The following CBFB variants were observed in gnomAD, a reference collection of about 807,000 sequenced individuals.
CBFB encodes the protein core-binding factor subunit beta.
In CBFB, 9 loss-of-function variants were observed where a neutral mutation model predicts 30.4. The ratio of observed to expected loss-of-function variants is 0.30; its 90% CI spans 0.18 to 0.52. The LOEUF (loss-of-function observed/expected upper bound fraction) is 0.52. CBFB is among the 20% of genes least tolerant of loss of function. The pLI, the probability that CBFB is intolerant of heterozygous loss-of-function variation, is 0.97. For synonymous variants in CBFB, 94 were observed against 84.0 expected (o/e 1.12, Z -0.65); for missense variants, 170 against 244.0 (o/e 0.70, Z 2.02).
intron 3 of CBFB, among the ~76,000 whole-genome samples, chr16:67,042,970 A>C (rs1024515964): frequency 2.0e-5 from 3 of 152,148 alleles, no homozygotes; most frequent in African/African-American, 7.2e-5. Context: ...TCCTAACATC[A>C]GGTGATCTGC....
chr16:67,044,589 A>ATTAT (rs1320761047), intron 3 of CBFB, among the ~76,000 whole-genome samples: 2 of 152,228 alleles, frequency 1.3e-5, no homozygotes, highest in Non-Finnish European at 2.9e-5. Context: ...CATAAAATAA[A>ATTAT]GCAAAATCTA....
intron 3 of CBFB, among the ~76,000 whole-genome samples, chr16:67,058,850 T>C (rs769881295): frequency 6.6e-6 from 1 of 152,234 alleles, no homozygotes; most frequent in Non-Finnish European, 1.5e-5. Flanking sequence ...AATCGAGATA[T>C]CCTTTCCAAT....
intron 5 of CBFB, among the ~76,000 whole-genome samples, chr16:67,086,997 A>G (rs1463938849): frequency 6.6e-6 from 1 of 152,064 alleles, no homozygotes; most frequent in African/African-American, 2.4e-5. Context: ...TTCAAGTTGG[A>G]GAAAGCATTC....
chr16:67,053,177 T>A (rs1960608986), intron 3 of CBFB, among the ~76,000 whole-genome samples: 3 of 151,442 alleles, frequency 2.0e-5, no homozygotes, highest in Admixed American at 6.6e-5. Flanking sequence ...GTTTAGTTTT[T>A]AAAAAAAATG....
chr16:67,033,232 C>T (rs1317076194), intron 2 of CBFB, among the ~76,000 whole-genome samples: 3 of 152,238 alleles, frequency 2.0e-5, no homozygotes, highest in Admixed American at 1.3e-4. Flanking sequence ...CTCTCTTTAA[C>T]TATAAAACTC....
At chr16:67,070,577 C>A (rs1961191404) in intron 4 of CBFB, among the ~76,000 whole-genome samples, 1 of 151,910 alleles carries the variant, frequency 6.6e-6, no homozygotes, top group South Asian at 2.1e-4. Context: ...TGACAGGGTG[C>A]AGTGGCTCAC....
intron 4 of CBFB, among the ~76,000 whole-genome samples, chr16:67,071,834 G>A (rs1000880010): frequency 1.3e-5 from 2 of 152,040 alleles, no homozygotes; most frequent in Non-Finnish European, 2.9e-5. Flanking sequence ...TATACTTAGG[G>A]TTTCCACTCT....
At chr16:67,080,977 CT>C (rs1310131587) in intron 4 of CBFB, among the ~76,000 whole-genome samples, 2 of 151,834 alleles carry the variant, frequency 1.3e-5, no homozygotes, top group African/African-American at 2.4e-5. Flanking sequence ...GTACCTCTGA[CT>C]TTTTTTTATA....
At chr16:67,033,681 G>A (rs1489062158) in intron 2 of CBFB, among the ~76,000 whole-genome samples, 2 of 149,214 alleles carry the variant, frequency 1.3e-5, no homozygotes, top group East Asian at 2.0e-4. Flanking sequence ...GCACGATCTC[G>A]GCTCACTGCA....
chr16:67,055,296 A>G (rs889612710), intron 3 of CBFB, among the ~76,000 whole-genome samples: 3 of 143,452 alleles, frequency 2.1e-5, no homozygotes, highest in African/African-American at 7.8e-5. Flanking sequence ...TTGAATATGT[A>G]TTTATATGTG....
chr16:67,072,064 T>C (rs577519428), intron 4 of CBFB, among the ~76,000 whole-genome samples: 1 of 152,294 alleles, frequency 6.6e-6, no homozygotes, highest in South Asian at 2.1e-4. Flanking sequence ...TTAAAGTTCA[T>C]GGTTAATGTT....
chr16:67,033,931 C>T (rs190289856), intron 2 of CBFB, among the ~76,000 whole-genome samples: 38 of 150,834 alleles, frequency 2.5e-4, no homozygotes, highest in South Asian at 6.3e-4. Flanking sequence ...TGGGTTCACA[C>T]GATTCTCCTG....
chr16:67,071,430 T>C (rs1961219420), intron 4 of CBFB, among the ~76,000 whole-genome samples: 1 of 152,132 alleles, frequency 6.6e-6, no homozygotes, highest in African/African-American at 2.4e-5. Context: ...TCTGTCTCTC[T>C]CTCTGCCGTA....
chr16:67,056,506 C>T (rs1960727652), intron 3 of CBFB, among the ~76,000 whole-genome samples: 1 of 152,094 alleles, frequency 6.6e-6, no homozygotes. Flanking sequence ...ATAACAATGG[C>T]AAGTCGTGTG....
At chr16:67,066,613 TA>T (rs1443494256) in intron 3 of CBFB, 68 bp from the exon 4 acceptor site, 2 of 803,464 alleles carry the variant, frequency 2.5e-6, no homozygotes, top group African/African-American at 3.4e-5. Context: ...TTTATATAAG[TA>T]AGTTTAATCT....
At chr16:67,059,625 G>A (rs1043341673) in intron 3 of CBFB, among the ~76,000 whole-genome samples, 12 of 152,196 alleles carry the variant, frequency 7.9e-5, no homozygotes, top group Admixed American at 3.9e-4. Context: ...AATGGGGCCT[G>A]TAACAACCTT....
In CBFB at chr16:67,066,801, A is replaced by AG. The variant is rs1567615795; in HGVS notation, c.399+6dup. 2 of 1,546,972 alleles carry AG rather than the reference A, an allele frequency of 1.3e-6. No individual in the cohort carries two copies. Among genetic ancestry groups the AG allele is most frequent in the East Asian group, 4.5e-5 (2 of 44,414 alleles). On this transcript the variant is annotated splice_donor_region_variant and intron_variant, in intron 4 of 5. Transcript: ENST00000412916. ...AGTTTGATGAGGAGCGAGCCCAGGT[A>AG]GGGTAACATCAGGCTTTATTGAGCA...
chr16:67,099,260 G>A lies in CBFB; in HGVS notation c.*482G>A, dbSNP rs990013419. The A allele has an allele frequency of 6.5e-5, 15 of 230,634 alleles. No homozygotes were observed. The highest frequency in any genetic ancestry group is 1.1e-4 in the Admixed American group (2 of 17,640). 14.3% of individuals were successfully genotyped at this position (230,634 alleles called of 1,614,324 possible). A position where few individuals can be genotyped will look rare whatever the true frequency, so the allele number is the denominator to read the frequency against. ...TTTTGTTTGCCCCATTTCCTTTTGT[G>A]TTTTTATAGTCTATAGCATTTTAAA... On this transcript the variant is annotated 3_prime_UTR_variant, in exon 6 of 6. Transcript: ENST00000412916.
At chr16:67,035,667 C>G (rs1282622840) in intron 2 of CBFB, among the ~76,000 whole-genome samples, 1 of 152,142 alleles carries the variant, frequency 6.6e-6, no homozygotes, top group Non-Finnish European at 1.5e-5. Flanking sequence ...ATGTGAACCT[C>G]TTGATTTGAG....
Sources: gnomAD v4.1 joint callset for allele counts (sites outside exome capture counted in the v4.1 genomes callset) on GRCh38, gnomAD v4.1.1 for gene constraint, MANE v1.5 for transcripts, NCBI Gene and HGNC (gene_info 2026-07-23, HGNC 2026-07-21) for gene names.